KATNIP: variants seen among roughly 807,000 people sequenced by gnomAD.
KATNIP encodes katanin-interacting protein.
Under a neutral mutation model 174.0 loss-of-function variants are expected in KATNIP, and 126 were observed. The ratio of observed to expected loss-of-function variants is 0.72; its 90% confidence interval spans 0.63 to 0.84. The LOEUF (loss-of-function observed/expected upper bound fraction) is 0.84. Ranked by LOEUF, KATNIP falls within the 40% of genes least tolerant of loss-of-function variation. The probability of loss-of-function intolerance (pLI) is 0.00; values close to 1 mark genes in which losing one functional copy is unlikely to be tolerated. For missense variants in KATNIP, 1,958 were observed against 2,109.7 expected, an observed-to-expected ratio of 0.93 and a Z score of 1.41; for synonymous variants, 810 against 835.7, an observed-to-expected ratio of 0.97 and a Z score of 0.53.
rs561070692 is a variant in KATNIP at position 27,737,867 on chromosome 16, CAG to C, written c.1744-2172_1744-2171del. 5.0e-3 allele frequency among the ~76,000 whole-genome samples: 754 copies of C among 152,208 alleles called. 4 individuals carry two copies. The highest frequency in any genetic ancestry group is 0.017 in the African/African-American group (723 of 41,532). On this transcript the variant is annotated intron_variant, in intron 14 of 27. Transcript: ENST00000261588. ...GTCATTAGTAATGACACCAGGATAA[CAG>C]ATATAAATCAGAATTGTCCCAGACA...
intron 3 of KATNIP, among the ~76,000 whole-genome samples, chr16:27,625,180 G>C (rs564248713): frequency 6.6e-6 from 1 of 152,334 alleles, no homozygotes; most frequent in Non-Finnish European, 1.5e-5. Flanking sequence ...CATTGCAGTA[G>C]GGGAGTTCCT....
At chr16:27,666,498 A>G (rs191661084) in intron 6 of KATNIP, among the ~76,000 whole-genome samples, 1 of 152,174 alleles carries the variant, frequency 6.6e-6, no homozygotes, top group Non-Finnish European at 1.5e-5. Flanking sequence ...ACTCACTACA[A>G]CTTCTGCCTC....
chr16:27,698,502 T>C lies in KATNIP; in HGVS notation c.1113+2T>C. 1 of 1,604,630 alleles carries C rather than the reference T, an allele frequency of 6.2e-7. No individual in the cohort carries two copies. Among genetic ancestry groups the C allele is most frequent in the Non-Finnish European group, 8.5e-7 (1 of 1,174,828 alleles). ...GAGCAGCCAGCCAGCCCACTGCAGGTGCGCTCCGGGCTGGGAGAGGAACCG... is the reference window on the plus strand; with the variant it reads ...GAGCAGCCAGCCAGCCCACTGCAGGCGCGCTCCGGGCTGGGAGAGGAACCG... On this transcript the variant is annotated splice_donor_variant, in intron 9 of 27. Coordinates refer to ENST00000261588, the MANE Select transcript of KATNIP (RefSeq NM_015202.5). LOFTEE classifies it high-confidence loss of function.
intron 11 of KATNIP, 40 bp downstream of exon 11, chr16:27,701,735 AG>A (rs772862303): frequency 7.3e-7 from 1 of 1,378,856 alleles, no homozygotes; most frequent in Non-Finnish European, 1.0e-6. Context: ...ACCCCTTAGC[AG>A]TGCAGCCATG....
intron 6 of KATNIP, among the ~76,000 whole-genome samples, chr16:27,659,722 A>C (rs919927598): frequency 6.6e-6 from 1 of 152,140 alleles, no homozygotes; most frequent in African/African-American, 2.4e-5. Flanking sequence ...ATTAGGTATG[A>C]CTTGAAAAAA....
chr16:27,693,735 A>G (rs1311472034), intron 8 of KATNIP, among the ~76,000 whole-genome samples: 1 of 152,146 alleles, frequency 6.6e-6, no homozygotes, highest in Non-Finnish European at 1.5e-5. Flanking sequence ...GGTGCTGTGA[A>G]GGTTCCTCTA....
intron 24 of KATNIP, 69 bp downstream of exon 24, chr16:27,775,153 T>A: frequency 6.5e-7 from 1 of 1,528,918 alleles, no homozygotes; most frequent in Non-Finnish European, 8.8e-7. Context: ...CTTTCCCTGG[T>A]CTCAGTGACA....
chr16:27,670,020 T>C (rs1051623034), intron 6 of KATNIP, among the ~76,000 whole-genome samples: 2 of 152,176 alleles, frequency 1.3e-5, no homozygotes, highest in Non-Finnish European at 2.9e-5. Context: ...TCATGGCATT[T>C]AAATTTCCAT....
At chr16:27,648,151 C>T (rs1015745016) in intron 5 of KATNIP, among the ~76,000 whole-genome samples, 7 of 151,968 alleles carry the variant, frequency 4.6e-5, no homozygotes, top group African/African-American at 1.2e-4. Flanking sequence ...AGAAATTTGC[C>T]GCGTGGTGGC....
At chr16:27,630,456 T>A (rs990467376) in intron 4 of KATNIP, among the ~76,000 whole-genome samples, 1 of 152,248 alleles carries the variant, frequency 6.6e-6, no homozygotes, top group African/African-American at 2.4e-5. Context: ...AAATGATTCC[T>A]GAAATGGTTT....
intron 14 of KATNIP, among the ~76,000 whole-genome samples, chr16:27,737,873 T>C (rs577586609): frequency 1.3e-5 from 2 of 152,110 alleles, no homozygotes; most frequent in East Asian, 3.9e-4. Context: ...ATAACAGATA[T>C]AAATCAGAAT....
intron 14 of KATNIP, among the ~76,000 whole-genome samples, chr16:27,736,931 GGA>G (rs1173670971): frequency 6.6e-6 from 1 of 152,162 alleles, no homozygotes; most frequent in Non-Finnish European, 1.5e-5. Flanking sequence ...GGCGTGTTCT[GGA>G]GAGAGAGCCG....
At chr16:27,650,654 C>T (rs1392670893) in intron 6 of KATNIP, among the ~76,000 whole-genome samples, 1 of 152,182 alleles carries the variant, frequency 6.6e-6, no homozygotes, top group Non-Finnish European at 1.5e-5. Context: ...AATGTTCCTC[C>T]GATTTTGCTT....
At chr16:27,739,119 C>G (rs2081008138) in intron 14 of KATNIP, among the ~76,000 whole-genome samples, 1 of 152,138 alleles carries the variant, frequency 6.6e-6, no homozygotes, top group African/African-American at 2.4e-5. Flanking sequence ...AGTGGTGTCT[C>G]TGGTAGAGAC....
chr16:27,659,219 A>G (rs2142451334), intron 6 of KATNIP, among the ~76,000 whole-genome samples: 1 of 152,252 alleles, frequency 6.6e-6, no homozygotes, highest in South Asian at 2.1e-4. Flanking sequence ...TACTATTTAA[A>G]TGGGTAAATT....
chr16:27,630,717 C>T (rs1176656921), intron 4 of KATNIP, among the ~76,000 whole-genome samples: 1 of 152,228 alleles, frequency 6.6e-6, no homozygotes, highest in Non-Finnish European at 1.5e-5. Context: ...ACCCTCTACA[C>T]TCTTTTACAC....
chr16:27,645,005 C>T (rs1047025151), intron 5 of KATNIP, among the ~76,000 whole-genome samples: 7 of 152,210 alleles, frequency 4.6e-5, no homozygotes, highest in Non-Finnish European at 2.9e-5. Context: ...CCTTAAATAT[C>T]ACACCCTGGG....
At chr16:27,648,365 C>T (rs148970629) in intron 5 of KATNIP, among the ~76,000 whole-genome samples, 282 of 152,124 alleles carry the variant, frequency 1.9e-3, no homozygotes, top group African/African-American at 6.1e-3. Context: ...GTTCTTTGGA[C>T]AGCAAGAAAC....
intron 14 of KATNIP, among the ~76,000 whole-genome samples, chr16:27,730,516 G>T (rs144629973): frequency 6.3e-4 from 96 of 152,114 alleles, no homozygotes; most frequent in Admixed American, 1.1e-3. Context: ...TGGCTCTTTC[G>T]TGCTTATACA....
Sources: gnomAD v4.1 joint callset for allele counts (sites outside exome capture counted in the v4.1 genomes callset) on GRCh38, gnomAD v4.1.1 for gene constraint, MANE v1.5 for transcripts, NCBI Gene and HGNC (gene_info 2026-07-23, HGNC 2026-07-21) for gene names.